NBPF9: variants seen among roughly 807,000 people sequenced by gnomAD.
NBPF9 encodes the protein NBPF member 9.
Under a neutral mutation model 97.8 loss-of-function variants are expected in NBPF9, and 91 were observed. The observed-to-expected ratio is 0.93, with a 90% confidence interval of 0.79 to 1.11. NBPF9 has a LOEUF of 1.11. NBPF9 is among the 50% of genes least tolerant of loss of function. The pLI is 0.00. For missense variants in NBPF9, 992 were observed against 939.5 expected (o/e 1.06, Z -0.73); for synonymous variants, 334 against 359.5 (o/e 0.93, Z 0.80).
At chr1:149,082,557 G>A (rs1553657152) in intron 5 of NBPF9, 127 bp from the exon 6 acceptor site, 2 of 554,706 alleles carry the variant, frequency 3.6e-6, no homozygotes, top group Non-Finnish European at 3.1e-6. Context: ...CCACCAATGG[G>A]GATCATTCCT....
At chr1:149,064,476 C>G (rs1170634053) in exon 19 of NBPF9, 6 of 1,478,756 alleles carry the variant, frequency 4.1e-6, no homozygotes, top group East Asian at 2.4e-5. Flanking sequence ...TTGATCCCAC[C>G]GATGTCCTGC....
At chr1:149,055,626 A>G (rs782392695) in exon 30 of NBPF9, 2 of 1,611,636 alleles carry the variant, frequency 1.2e-6, no homozygotes, top group Non-Finnish European at 1.7e-6. Flanking sequence ...TGCCTGCAGG[A>G]ATGACATCTC....
intron 4 of NBPF9, 77 bp from the exon 5 acceptor site, chr1:149,090,971 A>G: frequency 4.3e-6 from 1 of 235,060 alleles, no homozygotes; most frequent in Non-Finnish European, 7.5e-6. Flanking sequence ...TCTTACCATG[A>G]CCCCAGGGCC....
At chr1:149,070,641 T>C (rs1553652694) in intron 16 of NBPF9, among the ~76,000 whole-genome samples, 2 of 151,606 alleles carry the variant, frequency 1.3e-5, no homozygotes, top group Admixed American at 1.3e-4. Flanking sequence ...TAATCACAGA[T>C]GACAAGAGAT....
At chr1:149,082,038 C>T in exon 7 of NBPF9, 1 of 1,610,768 alleles carries the variant, frequency 6.2e-7, no homozygotes, top group South Asian at 1.1e-5. Context: ...GGTTTCCGAA[C>T]TGCTGTTTGT....
At position 149,063,633 on chromosome 1, in the gene NBPF9, C is replaced by T. The variant is rs782658259; in HGVS notation, c.2026G>A (p.Glu676Lys). 4.0e-3 allele frequency: 2,466 copies of T among 611,620 alleles called. 5 individuals carry two copies. The highest frequency in any genetic ancestry group is 5.5e-3 in the Non-Finnish European group (1,933 of 352,244). The allele number at this position is 611,620 out of a possible 1,614,324, so 37.9% of individuals were successfully genotyped here. Residue 676 changes from glutamate (E) to lysine (K), a missense_variant and splice_region_variant, in exon 20 of 30, where the codon GAA (glutamate) becomes AAA (lysine). Coordinates refer to ENST00000584027, the Ensembl canonical transcript of NBPF9. ...ATCACCTTCATAGAAAGGTACTCAC[C>T]ATCCATGTCAACAGCCAAGCCAACA...
chr1:149,064,617 C>G (rs4649658), intron 18 of NBPF9, 135 bp from the exon 19 acceptor site: 1 of 648,760 alleles, frequency 1.5e-6, no homozygotes, highest in Non-Finnish European at 2.7e-6. Context: ...GAGAAATATT[C>G]CAGTAGGCCT....
rs1423876306 is a variant in NBPF9 at position 149,067,243 on chromosome 1, T to C, written c.1638-1554A>G. ...AAGCCAGAAGAGAGTGGGAGCAATA[T>C]TCAACATTCTTTTTTTTTTCCATAT... On this transcript the variant is annotated intron_variant, in intron 17 of 29. Transcript: ENST00000584027. 8.0e-4 allele frequency among the ~76,000 whole-genome samples: 103 copies of C among 129,022 alleles called. 5 individuals are homozygous for C. Among genetic ancestry groups the C allele is most frequent in the Admixed American group, 7.7e-3 (102 of 13,226 alleles). 84.6% of individuals were successfully genotyped at this position (129,022 alleles called of 152,430 possible).
chr1:149,065,958 T>C (rs1553651621), intron 17 of NBPF9: 10 of 593,194 alleles, frequency 1.7e-5, no homozygotes. Flanking sequence ...TAAACTACCA[T>C]CATGTCTTGC....
At chr1:149,086,958 G>A (rs1258492469) in intron 5 of NBPF9, among the ~76,000 whole-genome samples, 7 of 152,068 alleles carry the variant, frequency 4.6e-5, no homozygotes, top group African/African-American at 1.7e-4. Flanking sequence ...GAAACTGTTA[G>A]ATTTTCAAAG....
chr1:149,073,024 A>T, intron 13 of NBPF9, 92 bp from the exon 14 acceptor site: 1 of 1,412,316 alleles, frequency 7.1e-7, no homozygotes, highest in Non-Finnish European at 1.0e-6. Flanking sequence ...CAGTGTCCTC[A>T]AGGAGACCTC....
At chr1:149,090,213 G>A (rs1553659757) in intron 5 of NBPF9, 1 of 152,120 alleles carries the variant, frequency 6.6e-6, no homozygotes, top group African/African-American at 2.5e-5. Context: ...ACCTCCAAAT[G>A]TTCCTTTGGC....
In NBPF9 at chr1:149,078,862, A is replaced by T. The variant is rs1420344287; in HGVS notation, c.493+145T>A. 55 of 1,429,060 alleles carry T rather than the reference A, an allele frequency of 3.8e-5. 1 individual carries two copies. Among genetic ancestry groups the T allele is most frequent in the Non-Finnish European group, 5.2e-5 (53 of 1,025,124 alleles). The allele number at this position is 1,429,060 out of a possible 1,614,324, so 88.5% of individuals were successfully genotyped here. A position where few individuals can be genotyped will look rare whatever the true frequency, so the allele number is the denominator to read the frequency against. ...CCATGGGTTTCCCATCTCTGTTCTT[A>T]CCCAGGAAGTCCTGATCGTGTCATG... On this transcript the variant is annotated intron_variant, in intron 9 of 29. Coordinates refer to ENST00000584027, the Ensembl canonical transcript of NBPF9.
chr1:149,090,603 TCAA>T, intron 5 of NBPF9, 147 bp downstream of exon 5: 1 of 613,964 alleles, frequency 1.6e-6, no homozygotes, highest in Non-Finnish European at 2.8e-6. Context: ...AGAAAATTGT[TCAA>T]CAAGGGACAT....
chr1:149,064,233 G>A (rs1287089497), intron 19 of NBPF9, among the ~76,000 whole-genome samples, 198 bp downstream of exon 19: 1 of 139,770 alleles, frequency 7.2e-6, no homozygotes, highest in African/African-American at 2.9e-5. Context: ...ACTTTCACTA[G>A]GTTAGTAAAT....
intron 5 of NBPF9, among the ~76,000 whole-genome samples, chr1:149,084,764 C>T (rs1490144961): frequency 2.0e-5 from 3 of 150,302 alleles, no homozygotes; most frequent in Non-Finnish European, 4.4e-5. Context: ...AAAGACTGGT[C>T]AAGCTTTGTC....
intron 22 of NBPF9, 126 bp downstream of exon 22, chr1:149,061,967 T>G: frequency 1.7e-6 from 1 of 583,846 alleles, no homozygotes; most frequent in Non-Finnish European, 3.1e-6. Flanking sequence ...ACAACCTATA[T>G]GCGCCCATAG....
chr1:149,088,317 T>C (rs1417943597), intron 5 of NBPF9, among the ~76,000 whole-genome samples: 1 of 152,118 alleles, frequency 6.6e-6, no homozygotes, highest in African/African-American at 2.4e-5. Context: ...TGTAGATTTC[T>C]AGCATTGTTA....
chr1:149,064,113 GAC>G (rs2078855947), intron 19 of NBPF9, among the ~76,000 whole-genome samples: 1 of 138,444 alleles, frequency 7.2e-6, no homozygotes, highest in Admixed American at 7.3e-5. Flanking sequence ...GTGCTCTCAG[GAC>G]ACACAGTGAA....
Sources: gnomAD v4.1 joint callset for allele counts (sites outside exome capture counted in the v4.1 genomes callset) on GRCh38, gnomAD v4.1.1 for gene constraint, MANE v1.5 for transcripts, NCBI Gene and HGNC (gene_info 2026-07-23, HGNC 2026-07-21) for gene names.